Variants in ST18 observed in about 807,000 individuals in gnomAD.
ST18 encodes suppression of tumorigenicity 18 protein.
In ST18, 50 loss-of-function variants were observed where a neutral mutation model predicts 110.0. The observed-to-expected ratio is 0.45, with a 90% CI of 0.36 to 0.58. ST18 has a LOEUF of 0.58. Among genes scored for constraint, ST18 ranks in the 20% least tolerant of loss-of-function variants. The probability of loss-of-function intolerance (pLI) is 0.00; values close to 1 mark genes in which losing one functional copy is unlikely to be tolerated. For missense variants in ST18, 1,306 were observed against 1,280.1 expected (o/e 1.02, Z -0.31); for synonymous variants, 461 against 452.4 (o/e 1.02, Z -0.24).
At chr8:52,117,267 C>A (rs913469540) in intron 24 of ST18, among the ~76,000 whole-genome samples, 1 of 152,210 alleles carries the variant, frequency 6.6e-6, no homozygotes, top group Non-Finnish European at 1.5e-5. Flanking sequence ...CTGAAACACT[C>A]TTTCTCCATA....
chr8:52,384,696 GGTAGAGAT>G (rs1835855111), intron 2 of ST18, among the ~76,000 whole-genome samples: 2 of 151,886 alleles, frequency 1.3e-5, no homozygotes, highest in African/African-American at 4.8e-5. Context: ...TTGCTTCTTC[GGTAGAGAT>G]GTCTCGGCTG....
At chr8:52,340,590 G>C (rs1237726584) in intron 2 of ST18, among the ~76,000 whole-genome samples, 1 of 152,174 alleles carries the variant, frequency 6.6e-6, no homozygotes, top group Non-Finnish European at 1.5e-5. Flanking sequence ...TTGTACCTCA[G>C]TGCAGAAAAG....
chr8:52,155,916 C>G (rs922516878), intron 15 of ST18, among the ~76,000 whole-genome samples: 7 of 152,054 alleles, frequency 4.6e-5, no homozygotes, highest in African/African-American at 1.4e-4. Context: ...AGATTGTGCC[C>G]ATGGGTGACA....
intron 2 of ST18, among the ~76,000 whole-genome samples, chr8:52,275,135 AT>A (rs1250552654): frequency 6.6e-6 from 1 of 152,178 alleles, no homozygotes; most frequent in Non-Finnish European, 1.5e-5. Flanking sequence ...TCAATTTTAA[AT>A]TTAAATACTT....
At chr8:52,270,876 G>A (rs955529190) in intron 2 of ST18, among the ~76,000 whole-genome samples, 2 of 151,698 alleles carry the variant, frequency 1.3e-5, no homozygotes, top group African/African-American at 4.8e-5. Flanking sequence ...TGTGTATTAT[G>A]TGAATTATGA....
chr8:52,346,701 T>A (rs1479255964), intron 2 of ST18, among the ~76,000 whole-genome samples: 1 of 152,210 alleles, frequency 6.6e-6, no homozygotes, highest in Non-Finnish European at 1.5e-5. Context: ...ATATTTTTTT[T>A]AACCTAGAAT....
In ST18 at chr8:52,161,521, A is replaced by G. The variant is rs1386609468; in HGVS notation, c.1448T>C (p.Ile483Thr). 2 of 1,614,088 alleles carry G rather than the reference A, an allele frequency of 1.2e-6. No homozygotes were observed. Among genetic ancestry groups the G allele is most frequent in the Non-Finnish European group, 8.5e-7 (1 of 1,180,032 alleles). The stretch of plus-strand genomic sequence containing the variant: ...TGACACTGTGGCTCTGGGAGAGGTG[A>G]TGGCTTGTGACGGGAAATTGAATTC... ...QIEFNFPSQAITSPRATVSKE... is the reference protein window; with the variant it reads ...QIEFNFPSQATTSPRATVSKE... Residue 483 changes from isoleucine (I) to threonine (T), a missense_variant, in exon 14 of 26, where the codon ATC becomes ACC. Coordinates refer to ENST00000689386, the MANE Select transcript of ST18 (RefSeq NM_001352837.2).
At chr8:52,262,538 C>T (rs1589414027) in intron 2 of ST18, among the ~76,000 whole-genome samples, 1 of 152,206 alleles carries the variant, frequency 6.6e-6, no homozygotes, top group East Asian at 1.9e-4. Context: ...CTATGTGTAC[C>T]AAAGCACACA....
At chr8:52,398,399 CT>C (rs1366989455) in intron 2 of ST18, among the ~76,000 whole-genome samples, 1 of 152,130 alleles carries the variant, frequency 6.6e-6, no homozygotes, top group East Asian at 1.9e-4. Flanking sequence ...TCATTGGATA[CT>C]TTCTATTTCT....
chr8:52,378,406 A>T (rs1034499054), intron 2 of ST18, among the ~76,000 whole-genome samples: 7 of 152,164 alleles, frequency 4.6e-5, no homozygotes, highest in Admixed American at 2.0e-4. Context: ...AATTTTTTTT[A>T]AAAAAGAGCA....
intron 2 of ST18, among the ~76,000 whole-genome samples, chr8:52,263,034 C>T (rs1477369920): frequency 1.3e-5 from 2 of 152,210 alleles, no homozygotes; most frequent in African/African-American, 4.8e-5. Context: ...GAAGTTGTGC[C>T]TCAGTGCTTC....
intron 2 of ST18, chr8:52,405,484 T>C (rs536798446): frequency 6.6e-6 from 1 of 152,256 alleles, no homozygotes; most frequent in African/African-American, 2.4e-5. Context: ...CAGAGTTCTC[T>C]TTTGAGGATT....
chr8:52,205,098 T>TAC (rs60070901), intron 8 of ST18, among the ~76,000 whole-genome samples: 3,719 of 148,804 alleles, frequency 0.025, 45 homozygotes, highest in South Asian at 0.044. Flanking sequence ...CATATATATA[T>TAC]ACACACACAC....
At chr8:52,373,350 C>G (rs539019683) in intron 2 of ST18, among the ~76,000 whole-genome samples, 1 of 152,222 alleles carries the variant, frequency 6.6e-6, no homozygotes, top group South Asian at 2.1e-4. Flanking sequence ...CAGTCATCTC[C>G]CCTCATTTCT....
chr8:52,344,685 G>C (rs1291159654), intron 2 of ST18, among the ~76,000 whole-genome samples: 3 of 152,214 alleles, frequency 2.0e-5, no homozygotes, highest in Admixed American at 6.5e-5. Flanking sequence ...ACAGGCATGA[G>C]CCACCGTGCC....
intron 2 of ST18, among the ~76,000 whole-genome samples, chr8:52,350,865 C>T (rs938704395): frequency 1.1e-4 from 17 of 151,956 alleles, no homozygotes; most frequent in African/African-American, 1.5e-4. Context: ...GGACTACAGG[C>T]GTGTGCCACC....
chr8:52,325,834 C>T (rs1294549625), intron 2 of ST18, among the ~76,000 whole-genome samples: 1 of 152,182 alleles, frequency 6.6e-6, no homozygotes, highest in Non-Finnish European at 1.5e-5. Context: ...ATCACATAAG[C>T]CACTCAACTT....
At chr8:52,223,654 A>AC (rs538066625) in intron 3 of ST18, among the ~76,000 whole-genome samples, 2 of 152,262 alleles carry the variant, frequency 1.3e-5, no homozygotes, top group East Asian at 3.9e-4. Context: ...AAAAAAAAAA[A>AC]AAAAATTTAC....
intron 8 of ST18, among the ~76,000 whole-genome samples, chr8:52,184,754 TAC>T (rs1199958601): frequency 6.6e-6 from 1 of 152,174 alleles, no homozygotes; most frequent in African/African-American, 2.4e-5. Context: ...CAGCAATAGA[TAC>T]ATTCTGGGCA....
Sources: allele counts gnomAD v4.1 joint callset (sites outside exome capture counted in the v4.1 genomes callset), GRCh38; gene constraint gnomAD v4.1.1; transcripts MANE v1.5; gene names NCBI Gene and HGNC (gene_info 2026-07-23, HGNC 2026-07-21).